The following FOXO3 variants were observed in gnomAD, a reference collection of about 807,000 sequenced individuals.
FOXO3 encodes the protein forkhead box protein O3.
In FOXO3, 4 loss-of-function variants were observed where a neutral mutation model predicts 41.9. The ratio of observed to expected loss-of-function variants is 0.10; its 90% confidence interval spans 0.05 to 0.22. The LOEUF (loss-of-function observed/expected upper bound fraction) is 0.22. FOXO3 is among the 10% of genes least tolerant of loss of function. FOXO3 has a pLI of 1.00. For missense variants in FOXO3, 534 were observed against 906.8 expected (o/e 0.59, Z 5.28); for synonymous variants, 318 against 389.3 (o/e 0.82, Z 2.16).
At chr6:108,654,164 G>GT (rs2128383631) in intron 1 of FOXO3, among the ~76,000 whole-genome samples, 1 of 152,240 alleles carries the variant, frequency 6.6e-6, no homozygotes, top group African/African-American at 2.4e-5. Context: ...GGGAGTGGGT[G>GT]TGGGCAGAGG....
At chr6:108,665,246 T>C (rs1242152500) in intron 2 of FOXO3, among the ~76,000 whole-genome samples, 1 of 152,188 alleles carries the variant, frequency 6.6e-6, no homozygotes, top group Non-Finnish European at 1.5e-5. Context: ...AGGAGAGGGA[T>C]GGGAAGCTTG....
rs147028825 is a variant in FOXO3, at chr6:108,663,631, C to T, written c.798C>T (p.Arg266=). 5.6e-6 allele frequency: 9 copies of T among 1,613,546 alleles called. No individual in the cohort carries two copies. Among genetic ancestry groups the T allele is most frequent in the African/African-American group, 4.0e-5 (3 of 75,044 alleles). The part of the protein sequence containing the change: ...NSNKYTKSRG[R]AAKKKAALQT... ...ACAAGTATACCAAGAGCCGTGGCCG[C>T]GCAGCCAAGAAGAAGGCAGCCCTGC... is the stretch of plus-strand genomic sequence containing the variant. The change falls in exon 2 of 3, where the codon CGC becomes CGT. Residue 266 remains arginine (R), a synonymous_variant. Transcript: ENST00000406360.
chr6:108,608,492 G>C (rs938855295), intron 1 of FOXO3, among the ~76,000 whole-genome samples: 3 of 151,880 alleles, frequency 2.0e-5, no homozygotes, highest in African/African-American at 7.3e-5. Flanking sequence ...GAACTTTTTG[G>C]GTTAAAAAAA....
intron 1 of FOXO3, among the ~76,000 whole-genome samples, chr6:108,603,106 GT>G (rs1408811297): frequency 1.1e-3 from 157 of 146,624 alleles, no homozygotes; most frequent in African/African-American, 3.1e-3. Flanking sequence ...TTCATCTGTA[GT>G]TTTTTTTTTT....
At position 108,653,937 on chromosome 6, in the gene FOXO3, G is replaced by T. The variant is rs1486327832; in HGVS notation, c.622-9518G>T. On this transcript the variant is annotated intron_variant, in intron 1 of 2. Transcript: ENST00000406360. ...AAGAGAATTTCAGTAGCATGTGTTTGCTGAGCACCTTGTGGGAAGGGGAAA... is the reference window on the plus strand; with the variant it reads ...AAGAGAATTTCAGTAGCATGTGTTTTCTGAGCACCTTGTGGGAAGGGGAAA... 2.0e-5 allele frequency among the ~76,000 whole-genome samples: 3 copies of T among 152,184 alleles called. No individual in the cohort carries two copies. The East Asian group carries it at 5.8e-4, about 29-fold the overall frequency.
At chr6:108,634,234 G>A (rs1456080619) in intron 1 of FOXO3, among the ~76,000 whole-genome samples, 1 of 152,206 alleles carries the variant, frequency 6.6e-6, no homozygotes, top group East Asian at 1.9e-4. Context: ...CTGCTGACGT[G>A]TGTGCGTGTG....
intron 1 of FOXO3, among the ~76,000 whole-genome samples, chr6:108,569,815 CCAAACAAA>C (rs1776041929): frequency 1.3e-5 from 2 of 152,110 alleles, no homozygotes; most frequent in South Asian, 2.1e-4. Flanking sequence ...AAACTCTCCC[CCAAACAAA>C]CAAATAAACA....
At chr6:108,654,245 T>C (rs1488076241) in intron 1 of FOXO3, among the ~76,000 whole-genome samples, 2 of 152,100 alleles carry the variant, frequency 1.3e-5, no homozygotes, top group African/African-American at 2.4e-5. Context: ...ATGTTCTCTC[T>C]TGCCCTCCAA....
chr6:108,624,073 A>G (rs1019414702), intron 1 of FOXO3, among the ~76,000 whole-genome samples: 1 of 152,212 alleles, frequency 6.6e-6, no homozygotes, highest in African/African-American at 2.4e-5. Flanking sequence ...CTGCAGGGAC[A>G]AGGAAATTTC....
chr6:108,605,573 A>G (rs533715000), intron 1 of FOXO3, among the ~76,000 whole-genome samples: 80 of 152,202 alleles, frequency 5.3e-4, no homozygotes, highest in Non-Finnish European at 9.4e-4. Context: ...ACAGGCCTAG[A>G]TCAATTAAAA....
rs527968349 is a variant in FOXO3 at position 108,672,969 on chromosome 6, G to A, written c.*35-6858G>A. Among the ~76,000 whole-genome samples, 93 of 152,232 alleles carry A rather than the reference G, an allele frequency of 6.1e-4. 1 individual carries two copies. The South Asian group carries it at 0.017, about 28-fold the overall frequency. On this transcript the variant is annotated intron_variant, in intron 2 of 2. Transcript: ENST00000406360. ...GTAGAAGTCCAAGAATTCTGAGGTC[G>A]AAATTTTCAGTTAATTTCCAGTAGG... is the stretch of plus-strand genomic sequence containing the variant.
chr6:108,645,457 G>A (rs1179340090), intron 1 of FOXO3, among the ~76,000 whole-genome samples: 1 of 142,574 alleles, frequency 7.0e-6, no homozygotes, highest in East Asian at 2.0e-4. Context: ...CCCCAGAATT[G>A]CTTTTTTTTT....
chr6:108,669,803 C>T (rs1363261681), intron 2 of FOXO3, among the ~76,000 whole-genome samples: 1 of 152,166 alleles, frequency 6.6e-6, no homozygotes, highest in Non-Finnish European at 1.5e-5. Flanking sequence ...TTATAAAATG[C>T]ACCTGTTTTC....
At chr6:108,562,300 C>T (rs1250972524) in intron 1 of FOXO3, among the ~76,000 whole-genome samples, 3 of 151,958 alleles carry the variant, frequency 2.0e-5, no homozygotes, top group African/African-American at 7.3e-5. Context: ...CATGTTGCGT[C>T]GTCACTAGCT....
chr6:108,681,272 C>G lies in FOXO3; in HGVS notation c.*1480C>G, dbSNP rs1770840422. ...TTCTCCAAAGTGATATATGAAGACT[C>G]TTTTCTTTGCATAAAAAGCATTAGG... On this transcript the variant is annotated 3_prime_UTR_variant, in exon 3 of 3. Transcript: ENST00000406360. 6.6e-6 allele frequency: 1 copy of G among 152,658 alleles called. No individual in the cohort carries two copies. Among genetic ancestry groups the G allele is most frequent in the African/African-American group, 2.4e-5 (1 of 41,454 alleles). The allele number at this position is 152,658 out of a possible 1,614,324, so 9.5% of individuals were successfully genotyped here.
intron 1 of FOXO3, among the ~76,000 whole-genome samples, chr6:108,564,830 G>A (rs1223239556): frequency 1.3e-5 from 2 of 151,686 alleles, no homozygotes; most frequent in Non-Finnish European, 2.9e-5. Flanking sequence ...CTAATGTATA[G>A]TTAGGATGAA....
intron 2 of FOXO3, among the ~76,000 whole-genome samples, chr6:108,676,405 C>G (rs920897827): frequency 6.6e-6 from 1 of 152,008 alleles, no homozygotes; most frequent in Non-Finnish European, 1.5e-5. Flanking sequence ...GGTTATGAGA[C>G]TAGTTTTTGT....
intron 2 of FOXO3, among the ~76,000 whole-genome samples, chr6:108,674,699 C>A (rs963526793): frequency 1.3e-5 from 2 of 152,062 alleles, no homozygotes; most frequent in Non-Finnish European, 2.9e-5. Context: ...TGAACCTGAC[C>A]CATCGGACAA....
chr6:108,617,403 A>G (rs1777543978), intron 1 of FOXO3, among the ~76,000 whole-genome samples: 1 of 151,862 alleles, frequency 6.6e-6, no homozygotes, highest in Non-Finnish European at 1.5e-5. Flanking sequence ...TTTTTTTTTC[A>G]TATTAAACAA....
Sources: allele counts gnomAD v4.1 joint callset (sites outside exome capture counted in the v4.1 genomes callset), GRCh38; gene constraint gnomAD v4.1.1; transcripts MANE v1.5; gene names NCBI Gene and HGNC (gene_info 2026-07-23, HGNC 2026-07-21).